PRKD1: variants seen among roughly 807,000 people sequenced by gnomAD.
PRKD1 encodes protein kinase D1.
PRKD1 carries 63 observed loss-of-function variants against 95.9 expected under a neutral mutation model. The ratio of observed to expected loss-of-function variants is 0.66; its 90% CI spans 0.54 to 0.81. The LOEUF is 0.81. Among genes scored for constraint, PRKD1 ranks in the 30% least tolerant of loss-of-function variants. PRKD1 has a pLI of 0.00. For synonymous variants in PRKD1, 425 were observed against 423.1 expected (o/e 1.00, Z -0.05); for missense variants, 1,048 against 1,165.3 (o/e 0.90, Z 1.47).
intron 16 of PRKD1, among the ~76,000 whole-genome samples, chr14:29,587,313 T>C (rs1333503732): frequency 6.6e-6 from 1 of 152,166 alleles, no homozygotes; most frequent in African/African-American, 2.4e-5. Context: ...AGGGGTTAGA[T>C]AAGATTTTTA....
At chr14:29,648,347 T>C (rs2139167910) in intron 4 of PRKD1, among the ~76,000 whole-genome samples, 1 of 151,908 alleles carries the variant, frequency 6.6e-6, no homozygotes, top group South Asian at 2.1e-4. Flanking sequence ...CAAGGCCTGG[T>C]ACTTGGTTAA....
At chr14:29,861,552 C>T (rs773633734) in intron 1 of PRKD1, among the ~76,000 whole-genome samples, 1 of 152,116 alleles carries the variant, frequency 6.6e-6, no homozygotes, top group Non-Finnish European at 1.5e-5. Context: ...CTTTGTGTTA[C>T]AAACAATCCA....
chr14:29,647,253 G>A (rs1320402443), intron 4 of PRKD1, among the ~76,000 whole-genome samples: 2 of 152,204 alleles, frequency 1.3e-5, no homozygotes, highest in East Asian at 1.9e-4. Context: ...TAAAGTAATC[G>A]TGGAAGTTAC....
intron 1 of PRKD1, among the ~76,000 whole-genome samples, chr14:29,910,129 T>C (rs768634399): frequency 1.3e-5 from 2 of 152,034 alleles, no homozygotes; most frequent in Non-Finnish European, 2.9e-5. Flanking sequence ...ACTCTTTGGG[T>C]CCACACTGCC....
intron 13 of PRKD1, among the ~76,000 whole-genome samples, chr14:29,615,296 T>C (rs996236897): frequency 4.6e-5 from 7 of 152,292 alleles, no homozygotes; most frequent in African/African-American, 1.7e-4. Flanking sequence ...ATATTTTCCA[T>C]CCACTAGAAA....
chr14:29,919,078 C>T (rs889784586), intron 1 of PRKD1, among the ~76,000 whole-genome samples: 2 of 152,180 alleles, frequency 1.3e-5, no homozygotes, highest in Non-Finnish European at 2.9e-5. Context: ...TCACTAGTTC[C>T]TCATCAATCA....
At chr14:29,693,639 AAAC>A (rs1555336246) in intron 2 of PRKD1, among the ~76,000 whole-genome samples, 3 of 119,182 alleles carry the variant, frequency 2.5e-5, no homozygotes, top group South Asian at 2.9e-4. Flanking sequence ...AAAAAAAAAA[AAAC>A]AACAACAACA....
In PRKD1 at chr14:29,589,595, G is replaced by A. The variant is rs549051814; in HGVS notation, c.2434+7896C>T. On this transcript the variant is annotated intron_variant, in intron 16 of 17. Coordinates refer to ENST00000331968, the MANE Select transcript of PRKD1 (RefSeq NM_002742.3). The stretch of plus-strand genomic sequence containing the variant: ...TATAGAAAAAGAACTGTAATCCACA[G>A]CTCCTGAGTGAATATTTACATATAA... Among the ~76,000 whole-genome samples the A allele has an allele frequency of 3.3e-5, 5 of 152,024 alleles. No individual in the cohort carries two copies. In the East Asian group the frequency reaches 9.7e-4, roughly 29 times the overall value.
chr14:29,677,597 A>G (rs1261197204), intron 2 of PRKD1, among the ~76,000 whole-genome samples: 1 of 152,206 alleles, frequency 6.6e-6, no homozygotes, highest in Non-Finnish European at 1.5e-5. Context: ...TTGTTTTGAG[A>G]CAGGATCTCC....
intron 1 of PRKD1, among the ~76,000 whole-genome samples, chr14:29,899,962 A>C (rs2139428068): frequency 6.6e-6 from 1 of 152,280 alleles, no homozygotes; most frequent in East Asian, 1.9e-4. Context: ...TATAAATGGC[A>C]GTTTCTCCTG....
At chr14:29,800,617 C>G (rs1280760089) in intron 1 of PRKD1, among the ~76,000 whole-genome samples, 3 of 151,982 alleles carry the variant, frequency 2.0e-5, no homozygotes, top group Non-Finnish European at 2.9e-5. Flanking sequence ...CTTATGAAAA[C>G]TAAAAGTAAA....
chr14:29,622,948 C>G (rs1879376649), intron 13 of PRKD1, among the ~76,000 whole-genome samples: 1 of 152,186 alleles, frequency 6.6e-6, no homozygotes, highest in Non-Finnish European at 1.5e-5. Context: ...GCAAAAGTAT[C>G]TTCCTTCAGA....
chr14:29,626,456 C>T (rs749394971), intron 12 of PRKD1, 28 bp downstream of exon 12: 2 of 1,570,044 alleles, frequency 1.3e-6, no homozygotes, highest in Non-Finnish European at 8.7e-7. Context: ...ATTTTAAGTT[C>T]ATAAAAATAC....
intron 3 of PRKD1, 142 bp downstream of exon 3, chr14:29,665,927 ATATATATG>A (rs1882472181): frequency 6.4e-6 from 5 of 776,484 alleles, no homozygotes; most frequent in Non-Finnish European, 5.7e-6. Context: ...ATATGTGCGT[ATATATATG>A]TATATATGTA....
intron 1 of PRKD1, among the ~76,000 whole-genome samples, chr14:29,787,342 C>T (rs1016282626): frequency 6.7e-6 from 1 of 150,180 alleles, no homozygotes; most frequent in Admixed American, 6.7e-5. Flanking sequence ...CTGTTAGATC[C>T]GTTTGGTTTA....
intron 1 of PRKD1, among the ~76,000 whole-genome samples, chr14:29,796,095 T>A (rs1313574635): frequency 6.6e-6 from 1 of 152,176 alleles, no homozygotes; most frequent in African/African-American, 2.4e-5. Context: ...TCTCACTAAA[T>A]GACATCTCCC....
intron 2 of PRKD1, among the ~76,000 whole-genome samples, chr14:29,712,434 T>C (rs1021109155): frequency 3.5e-4 from 53 of 152,274 alleles, no homozygotes; most frequent in African/African-American, 1.2e-3. Flanking sequence ...CAGAAATTTT[T>C]CATTTTCTAG....
At chr14:29,915,291 A>G (rs1894853663) in intron 1 of PRKD1, among the ~76,000 whole-genome samples, 1 of 152,210 alleles carries the variant, frequency 6.6e-6, no homozygotes, top group African/African-American at 2.4e-5. Flanking sequence ...GAAAATGTCC[A>G]GGTGGGTAAG....
intron 1 of PRKD1, among the ~76,000 whole-genome samples, chr14:29,798,739 A>C (rs1398911140): frequency 1.3e-5 from 2 of 152,232 alleles, no homozygotes; most frequent in African/African-American, 4.8e-5. Flanking sequence ...GGCTGAGAAA[A>C]ATGGCTTGCA....
Sources: allele counts gnomAD v4.1 joint callset (sites outside exome capture counted in the v4.1 genomes callset), GRCh38; gene constraint gnomAD v4.1.1; transcripts MANE v1.5; gene names NCBI Gene and HGNC (gene_info 2026-07-23, HGNC 2026-07-21).